Variants in RBMS3 observed in about 807,000 individuals in gnomAD.
RBMS3 encodes the protein RNA binding motif single stranded interacting protein 3.
Under a neutral mutation model 66.8 loss-of-function variants are expected in RBMS3, and 27 were observed. The ratio of observed to expected loss-of-function variants is 0.40; its 90% CI spans 0.30 to 0.56. The LOEUF (loss-of-function observed/expected upper bound fraction) is 0.56, where lower values mean the gene tolerates loss of function less well. Ranked by LOEUF, RBMS3 falls within the 20% of genes least tolerant of loss-of-function variation. The probability of loss-of-function intolerance (pLI) is 0.40; values close to 1 mark genes in which losing one functional copy is unlikely to be tolerated. For missense variants in RBMS3, 513 were observed against 549.5 expected (o/e 0.93, Z 0.66); for synonymous variants, 188 against 183.0 (o/e 1.03, Z -0.22).
At chr3:29,759,417 G>A (rs1576719918) in intron 5 of RBMS3, among the ~76,000 whole-genome samples, 1 of 152,268 alleles carries the variant, frequency 6.6e-6, no homozygotes, top group East Asian at 1.9e-4. Flanking sequence ...TCAGGTGAAT[G>A]GTTGGCCTGG....
At chr3:29,287,486 T>A (rs1004592346) in intron 1 of RBMS3, among the ~76,000 whole-genome samples, 2 of 152,082 alleles carry the variant, frequency 1.3e-5, no homozygotes, top group Non-Finnish European at 2.9e-5. Context: ...GCAAAATAGG[T>A]GGCAGTATAT....
At chr3:29,498,265 G>A (rs927022998) in intron 3 of RBMS3, among the ~76,000 whole-genome samples, 5 of 151,864 alleles carry the variant, frequency 3.3e-5, no homozygotes, top group African/African-American at 1.2e-4. Flanking sequence ...AAAGTGCTGG[G>A]ATTACAGGCG....
At chr3:29,606,104 A>G (rs1330608004) in intron 4 of RBMS3, among the ~76,000 whole-genome samples, 1 of 151,670 alleles carries the variant, frequency 6.6e-6, no homozygotes, top group East Asian at 1.9e-4. Flanking sequence ...ATACTCCAGT[A>G]CTGTGAGGTT....
chr3:29,432,971 T>C (rs1298322267), intron 1 of RBMS3, among the ~76,000 whole-genome samples: 1 of 152,214 alleles, frequency 6.6e-6, no homozygotes, highest in African/African-American at 2.4e-5. Flanking sequence ...AAAGTTTAGC[T>C]GTCTGTGATT....
intron 1 of RBMS3, among the ~76,000 whole-genome samples, chr3:29,413,405 CATACATACATACATACAT>C (rs1559559797): frequency 1.3e-5 from 2 of 151,180 alleles, no homozygotes; most frequent in African/African-American, 2.4e-5. Context: ...TACATACATA[CATACATACATACATACAT>C]ACACAGAGTT....
chr3:29,296,912 A>G (rs1481437580), intron 1 of RBMS3, among the ~76,000 whole-genome samples: 1 of 149,632 alleles, frequency 6.7e-6, no homozygotes, highest in East Asian at 2.0e-4. Flanking sequence ...TCAAATTAGC[A>G]TTTTTTTTTA....
intron 6 of RBMS3, among the ~76,000 whole-genome samples, chr3:29,842,093 A>C (rs998168193): frequency 8.6e-5 from 13 of 152,026 alleles, no homozygotes; most frequent in Admixed American, 7.9e-4. Flanking sequence ...CCATCATCTA[A>C]TTTTTGCAAT....
chr3:29,632,490 A>G (rs1258956689), intron 4 of RBMS3, among the ~76,000 whole-genome samples: 1 of 151,862 alleles, frequency 6.6e-6, no homozygotes, highest in Non-Finnish European at 1.5e-5. Flanking sequence ...TCTATCTTTC[A>G]TTTAAAAACT....
At chr3:29,352,442 C>T (rs116457800) in intron 1 of RBMS3, among the ~76,000 whole-genome samples, 1 of 151,352 alleles carries the variant, frequency 6.6e-6, no homozygotes, top group Non-Finnish European at 1.5e-5. Flanking sequence ...AGATTTATAC[C>T]CAGTATTTTA....
intron 1 of RBMS3, among the ~76,000 whole-genome samples, chr3:29,389,406 T>G (rs1343964994): frequency 6.6e-6 from 1 of 152,208 alleles, no homozygotes; most frequent in Non-Finnish European, 1.5e-5. Context: ...GCCTATTCAC[T>G]GGCATTAAGT....
chr3:29,864,831 GGGAA>G (rs1244181374), intron 6 of RBMS3, among the ~76,000 whole-genome samples: 1 of 146,992 alleles, frequency 6.8e-6, no homozygotes, highest in East Asian at 2.0e-4. Flanking sequence ...AGGAAGGGAA[GGGAA>G]GGGAAGGGAA....
At chr3:29,920,747 AG>A (rs1559801059) in intron 10 of RBMS3, among the ~76,000 whole-genome samples, 1 of 151,874 alleles carries the variant, frequency 6.6e-6, no homozygotes, top group Non-Finnish European at 1.5e-5. Flanking sequence ...AGGTGGAGGC[AG>A]GCAGATCTCG....
intron 12 of RBMS3, among the ~76,000 whole-genome samples, chr3:29,962,446 G>A (rs1158411153): frequency 1.3e-5 from 2 of 151,676 alleles, no homozygotes; most frequent in East Asian, 1.9e-4. Flanking sequence ...TAAACATAAC[G>A]GCACTGAGGT....
At chr3:29,917,633 G>T (rs966367179) in intron 10 of RBMS3, among the ~76,000 whole-genome samples, 4 of 151,928 alleles carry the variant, frequency 2.6e-5, no homozygotes, top group Admixed American at 6.6e-5. Flanking sequence ...CATGCATTTG[G>T]TGGGATTCTC....
chr3:29,674,831 A>G (rs1362399757), intron 4 of RBMS3, among the ~76,000 whole-genome samples: 1 of 152,018 alleles, frequency 6.6e-6, no homozygotes, highest in Non-Finnish European at 1.5e-5. Flanking sequence ...ATACTGCCCA[A>G]GGTAATTTAT....
At position 29,891,886 on chromosome 3, in the gene RBMS3, G is replaced by A. The variant is rs116452832; in HGVS notation, c.792-5493G>A. 6.9e-3 allele frequency among the ~76,000 whole-genome samples: 1,041 copies of A among 151,390 alleles called. 6 individuals carry two copies. Among genetic ancestry groups the A allele is most frequent in the Non-Finnish European group, 8.8e-3 (597 of 67,648 alleles). On this transcript the variant is annotated intron_variant, in intron 8 of 14. Coordinates refer to ENST00000383767, the MANE Select transcript of RBMS3 (RefSeq NM_001003793.3). The stretch of plus-strand genomic sequence containing the variant: ...GTACTATTGTTTTACCCTGAGGATA[G>A]TATTTATGGTTCCAGCCCTAACAAT...
At chr3:29,401,967 A>G (rs950038668) in intron 1 of RBMS3, among the ~76,000 whole-genome samples, 1 of 152,086 alleles carries the variant, frequency 6.6e-6, no homozygotes. Context: ...AGCATTTTAC[A>G]CATCAAGAAT....
At chr3:29,378,135 G>T (rs1278929455) in intron 1 of RBMS3, among the ~76,000 whole-genome samples, 1 of 152,104 alleles carries the variant, frequency 6.6e-6, no homozygotes, top group Non-Finnish European at 1.5e-5. Context: ...TCCTTTAACA[G>T]TTCTCTGTCA....
In RBMS3 at chr3:29,420,187, T is replaced by C. The variant is rs146064650; in HGVS notation, c.76-14556T>C. Among the ~76,000 whole-genome samples the C allele has an allele frequency of 2.0e-3, 308 of 152,326 alleles. 5 individuals are homozygous for C. Among genetic ancestry groups the C allele is most frequent in the African/African-American group, 7.2e-3 (301 of 41,572 alleles). ...CCTTTCTTTGAGAAATTTTCATGTT[T>C]CCTGTACTTTTCCTCTATTATATCA... On this transcript the variant is annotated intron_variant, in intron 1 of 14. Transcript: ENST00000383767.
Sources: gnomAD v4.1 joint callset for allele counts (sites outside exome capture counted in the v4.1 genomes callset) on GRCh38, gnomAD v4.1.1 for gene constraint, MANE v1.5 for transcripts, NCBI Gene and HGNC (gene_info 2026-07-23, HGNC 2026-07-21) for gene names.